The following PCDHA5 variants were observed in gnomAD, a reference collection of about 807,000 sequenced individuals.
PCDHA5 encodes the protein protocadherin alpha-5.
In PCDHA5, 43 loss-of-function variants were observed where a neutral mutation model predicts 61.6. That is an observed-to-expected ratio of 0.70 (90% CI 0.55 to 0.90). The LOEUF (loss-of-function observed/expected upper bound fraction) is 0.90, where lower values mean the gene tolerates loss of function less well. Among genes scored for constraint, PCDHA5 ranks in the 40% least tolerant of loss-of-function variants. The pLI, the probability that PCDHA5 is intolerant of heterozygous loss-of-function variation, is 0.00. For synonymous variants in PCDHA5, 627 were observed against 543.9 expected (o/e 1.15, Z -2.13); for missense variants, 1,298 against 1,222.7 (o/e 1.06, Z -0.92).
rs2150477897 is a variant in PCDHA5, at chr5:140,850,290, G to A, written c.2352+26163G>A. Reference sequence around the variant, plus strand: ...GGTGGGGAAGGTGCGCGCAGTGGACGCCGACTCGGGCTACAACGCGTGGCT... The same window carrying A: ...GGTGGGGAAGGTGCGCGCAGTGGACACCGACTCGGGCTACAACGCGTGGCT... On this transcript the variant is annotated intron_variant, in intron 1 of 3. Coordinates refer to ENST00000529859, the MANE Select transcript of PCDHA5 (RefSeq NM_018908.3). 4.4e-6 allele frequency: 7 copies of A among 1,595,816 alleles called. 1 individual carries two copies. The highest frequency in any genetic ancestry group is 6.0e-6 in the Non-Finnish European group (7 of 1,167,570).
rs782801879 is a variant in PCDHA5 at position 140,858,260 on chromosome 5, G to T, written c.2352+34133G>T. The T allele has an allele frequency of 2.0e-5, 32 of 1,597,092 alleles. 2 individuals carry two copies. The highest frequency in any genetic ancestry group is 2.7e-5 in the Non-Finnish European group (32 of 1,166,970). On this transcript the variant is annotated intron_variant, in intron 1 of 3. Coordinates refer to ENST00000529859, the MANE Select transcript of PCDHA5 (RefSeq NM_018908.3). ...ATGTGGGCCGGTGAAGCCCACGCTG[G>T]TGTGCTCTAGCGCGGTGGGGAGCTG...
chr5:140,845,180 T>C (rs1554140853), intron 1 of PCDHA5, among the ~76,000 whole-genome samples: 1 of 149,340 alleles, frequency 6.7e-6, no homozygotes, highest in Admixed American at 6.7e-5. Context: ...TTTTAGTCCT[T>C]TAAAAAATAT....
intron 1 of PCDHA5, chr5:140,857,407 G>C (rs372428918): frequency 6.3e-7 from 1 of 1,598,496 alleles, no homozygotes; most frequent in Admixed American, 1.7e-5. Context: ...ACGCGCCTGC[G>C]TTCGCGCAGT....
chr5:140,961,985 G>A (rs782724308), intron 1 of PCDHA5, among the ~76,000 whole-genome samples: 30 of 151,692 alleles, frequency 2.0e-4, no homozygotes, highest in Non-Finnish European at 4.0e-4. Context: ...CTGGGTTCAC[G>A]CCATTGTCCT....
intron 1 of PCDHA5, chr5:140,830,232 C>A (rs2150183147): frequency 1.2e-6 from 2 of 1,613,928 alleles, no homozygotes; most frequent in East Asian, 2.2e-5. Context: ...CTGGTCCTCA[C>A]GCTACTGCTG....
chr5:140,850,783 G>T, intron 1 of PCDHA5: 1 of 1,598,172 alleles, frequency 6.3e-7, no homozygotes, highest in Non-Finnish European at 8.6e-7. Context: ...TCTGGCGAGG[G>T]TAAGCAGAAG....
At chr5:141,007,395 C>CAAAAAAAAAAAAAAAAA (rs35800918) in intron 3 of PCDHA5, among the ~76,000 whole-genome samples, 5 of 94,868 alleles carry the variant, frequency 5.3e-5, no homozygotes, top group Non-Finnish European at 8.3e-5. Context: ...TACTAAAATA[C>CAAAAAAAAAAAAAAAAA]AAAAAAAAAA....
Position 140,849,791 on chromosome 5 carries a change from G to A in PCDHA5, c.2352+25664G>A. ...TGGTTACCGCGCGGGACGGGGGCTC[G>A]CCTTCACTGTGGGCCACGGCCAGGG... On this transcript the variant is annotated intron_variant, in intron 1 of 3. Coordinates refer to ENST00000529859, the MANE Select transcript of PCDHA5 (RefSeq NM_018908.3). The A allele has an allele frequency of 1.9e-6, 3 of 1,598,446 alleles. 1 individual carries two copies. Among genetic ancestry groups the A allele is most frequent in the African/African-American group, 1.3e-5 (1 of 74,534 alleles).
intron 1 of PCDHA5, among the ~76,000 whole-genome samples, chr5:140,916,143 T>A (rs1237563249): frequency 4.6e-5 from 7 of 152,012 alleles, no homozygotes; most frequent in Non-Finnish European, 8.8e-5. Context: ...GCTGTTCAGT[T>A]GTGTTGTGGT....
intron 1 of PCDHA5, among the ~76,000 whole-genome samples, chr5:140,976,481 G>A (rs549195125): frequency 6.6e-6 from 1 of 152,160 alleles, no homozygotes; most frequent in South Asian, 2.1e-4. Flanking sequence ...AATCCGGGAG[G>A]CAGAGGTTGC....
chr5:140,968,753 C>T (rs782591270), intron 1 of PCDHA5: 8 of 1,614,018 alleles, frequency 5.0e-6, no homozygotes, highest in Non-Finnish European at 6.8e-6. Flanking sequence ...CGTGGTGGTC[C>T]GAGATAATGG....
chr5:140,977,442 T>C (rs746141638), intron 1 of PCDHA5, among the ~76,000 whole-genome samples: 1 of 152,186 alleles, frequency 6.6e-6, no homozygotes. Flanking sequence ...TAGTAGATAA[T>C]GGAAACTCCT....
rs191774551 is a variant in PCDHA5, at chr5:140,984,794, A to C, written c.2500+2231A>C. Among the ~76,000 whole-genome samples, 4 of 152,294 alleles carry C rather than the reference A, an allele frequency of 2.6e-5. No homozygotes were observed. In the East Asian group the frequency reaches 7.7e-4, roughly 29 times the overall value. ...CTTACTTGCTGGGTGAGCATAGACA[A>C]ACTGCCTGAATTCATATTTTCTTAA... On this transcript the variant is annotated intron_variant, in intron 3 of 3. Transcript: ENST00000529859.
chr5:140,925,076 A>G (rs1388489555), intron 1 of PCDHA5, among the ~76,000 whole-genome samples: 2 of 148,798 alleles, frequency 1.3e-5, no homozygotes, highest in Non-Finnish European at 3.0e-5. Context: ...CAACACGCTC[A>G]TCTGGAAAGG....
chr5:140,858,019 G>A (rs377389644), intron 1 of PCDHA5: 1 of 1,596,850 alleles, frequency 6.3e-7, no homozygotes, highest in Non-Finnish European at 8.6e-7. Flanking sequence ...GCGAGCCGTC[G>A]CTGACGGCCA....
chr5:140,871,490 G>A (rs1554165680), intron 1 of PCDHA5: 1 of 1,590,548 alleles, frequency 6.3e-7, no homozygotes, highest in Admixed American at 1.8e-5. Context: ...AATCACCCCG[G>A]ACAGGTGAGT....
intron 1 of PCDHA5, among the ~76,000 whole-genome samples, chr5:140,912,304 C>T (rs904729298): frequency 6.6e-6 from 1 of 151,998 alleles, no homozygotes; most frequent in Admixed American, 6.6e-5. Flanking sequence ...TCCTGTAATC[C>T]AGTCAAGTTG....
chr5:141,010,136 CTCTT>C lies in PCDHA5; in HGVS notation c.*203_*206del, dbSNP rs782073868. The C allele has an allele frequency of 1.9e-6, 3 of 1,594,824 alleles. No homozygotes were observed. Among genetic ancestry groups the C allele is most frequent in the Non-Finnish European group, 2.6e-6 (3 of 1,169,724 alleles). On this transcript the variant is annotated 3_prime_UTR_variant, in exon 4 of 4. Transcript: ENST00000529859. ...AAAGCTTTACTAAGTCTGGTGTTAACTCTTTCTCTCCACTCTGGCTTGTTTTCAG... is the reference window on the plus strand; with the variant it reads ...AAAGCTTTACTAAGTCTGGTGTTAACTCTCTCCACTCTGGCTTGTTTTCAG...
intron 1 of PCDHA5, among the ~76,000 whole-genome samples, chr5:140,949,914 C>T (rs941651578): frequency 1.3e-5 from 2 of 151,190 alleles, no homozygotes; most frequent in African/African-American, 4.8e-5. Context: ...TTAGATATAA[C>T]TATTTTTAGA....
Sources: gnomAD v4.1 joint callset for allele counts (sites outside exome capture counted in the v4.1 genomes callset) on GRCh38, gnomAD v4.1.1 for gene constraint, MANE v1.5 for transcripts, NCBI Gene and HGNC (gene_info 2026-07-23, HGNC 2026-07-21) for gene names.